ANK2: variants seen among roughly 807,000 people sequenced by gnomAD.
ANK2 encodes ankyrin-2.
ANK2 carries 83 observed loss-of-function variants against 360.5 expected under a neutral mutation model. That is an observed-to-expected ratio of 0.23 (90% confidence interval 0.19 to 0.28). The LOEUF (loss-of-function observed/expected upper bound fraction) is 0.28. Among genes scored for constraint, ANK2 ranks in the 10% least tolerant of loss-of-function variants. The pLI, the probability that ANK2 is intolerant of heterozygous loss-of-function variation, is 1.00. For missense variants in ANK2, 4,201 were observed against 4,795.7 expected, an observed-to-expected ratio of 0.88 and a Z score of 3.66; for synonymous variants, 1,740 against 1,759.5, an observed-to-expected ratio of 0.99 and a Z score of 0.28.
chr4:112,754,970 T>C, the ANK2 span, among the ~76,000 whole-genome samples: 1 of 152,248 alleles, frequency 6.6e-6, no homozygotes, highest in Admixed American at 6.5e-5. Context: ...CCTAATAATC[T>C]ACCAGTTGGG....
chr4:113,018,904 G>C (rs1217691003), intron 2 of ANK2, among the ~76,000 whole-genome samples: 1 of 152,032 alleles, frequency 6.6e-6, no homozygotes, highest in Non-Finnish European at 1.5e-5. Context: ...ATCCTCTGTG[G>C]TCATCTAATA....
intron 1 of ANK2, among the ~76,000 whole-genome samples, chr4:113,122,484 C>G (rs1432815652): frequency 2.0e-5 from 3 of 152,106 alleles, no homozygotes; most frequent in Non-Finnish European, 2.9e-5. Context: ...TCTGAGTCAA[C>G]AGTTTTTAAA....
intron 2 of ANK2, among the ~76,000 whole-genome samples, chr4:112,970,835 T>C (rs931229489): frequency 3.4e-4 from 52 of 151,744 alleles, no homozygotes; most frequent in African/African-American, 1.0e-3. Context: ...ATCAGGAAAA[T>C]AGTAGATTTT....
chr4:113,349,271 A>G (rs769391594), intron 36 of ANK2, among the ~76,000 whole-genome samples: 3 of 145,734 alleles, frequency 2.1e-5, no homozygotes, highest in Non-Finnish European at 3.0e-5. Context: ...GAAATGAAAA[A>G]CATAATTGGA....
chr4:113,378,198 G>T lies in ANK2; in HGVS notation c.11860-3259G>T, dbSNP rs1032522497. On this transcript the variant is annotated intron_variant, in intron 45 of 45. Transcript: ENST00000357077. ...AATTAAAAGGTTTGGGTTAGCATGG[G>T]GTGATGCTTTGCCAACTAACACCAT... 1.7e-5 allele frequency: 20 copies of T among 1,177,266 alleles called. No individual in the cohort carries two copies. In the African/African-American group the frequency reaches 2.9e-4, roughly 17 times the overall value. 72.9% of individuals were successfully genotyped at this position (1,177,266 alleles called of 1,614,324 possible).
chr4:113,373,242 A>G, intron 44 of ANK2, 43 bp from the exon 45 acceptor site: 1 of 1,612,758 alleles, frequency 6.2e-7, no homozygotes, highest in Non-Finnish European at 8.5e-7. Flanking sequence ...ATTCCATGGT[A>G]CTGTCACACA....
chr4:112,745,216 C>G, the ANK2 span, among the ~76,000 whole-genome samples: 1 of 152,188 alleles, frequency 6.6e-6, no homozygotes, highest in East Asian at 1.9e-4. Context: ...ACAACACAAA[C>G]ACATCACATA....
chr4:112,810,182 T>TTTTTTG, the ANK2 span, among the ~76,000 whole-genome samples: 11 of 111,788 alleles, frequency 9.8e-5, no homozygotes, highest in African/African-American at 3.3e-4. Context: ...TTTTTTTTTT[T>TTTTTTG]GTAGCAATGG....
intron 2 of ANK2, among the ~76,000 whole-genome samples, chr4:112,932,541 C>G (rs1479523278): frequency 1.3e-5 from 2 of 149,080 alleles, no homozygotes; most frequent in Non-Finnish European, 3.0e-5. Context: ...GTTATATGAT[C>G]CTAACAAAGT....
intron 2 of ANK2, among the ~76,000 whole-genome samples, chr4:112,933,904 A>T (rs561059975): frequency 1.4e-5 from 2 of 147,768 alleles, no homozygotes; most frequent in African/African-American, 2.5e-5. Flanking sequence ...ACCTTGTGGA[A>T]TTTTTTTTTT....
chr4:113,160,877 G>C (rs534502764), intron 1 of ANK2, among the ~76,000 whole-genome samples: 10 of 152,130 alleles, frequency 6.6e-5, no homozygotes, highest in Admixed American at 1.3e-4. Context: ...AAATGGACTT[G>C]GTCAAACTTG....
At chr4:112,753,649 C>T in the ANK2 span, among the ~76,000 whole-genome samples, 1 of 152,128 alleles carries the variant, frequency 6.6e-6, no homozygotes, top group Non-Finnish European at 1.5e-5. Context: ...CCCACCAAAA[C>T]CAAGATGGCC....
intron 2 of ANK2, among the ~76,000 whole-genome samples, chr4:112,905,447 T>G (rs949195648): frequency 3.9e-5 from 6 of 152,234 alleles, no homozygotes; most frequent in African/African-American, 9.6e-5. Context: ...CTTAGAAATT[T>G]CCTCAAGGCC....
At chr4:113,060,995 C>T (rs1448062769) in intron 1 of ANK2, among the ~76,000 whole-genome samples, 1 of 152,002 alleles carries the variant, frequency 6.6e-6, no homozygotes, top group Non-Finnish European at 1.5e-5. Context: ...ATCATGTGCT[C>T]CATAATCTCA....
chr4:113,304,408 T>C (rs2076308851), intron 23 of ANK2, among the ~76,000 whole-genome samples: 1 of 152,228 alleles, frequency 6.6e-6, no homozygotes, highest in South Asian at 2.1e-4. Flanking sequence ...ATGTGTAATA[T>C]GAGTGGAATT....
intron 2 of ANK2, among the ~76,000 whole-genome samples, chr4:112,960,811 T>TC (rs962301343): frequency 2.6e-5 from 4 of 152,108 alleles, no homozygotes; most frequent in African/African-American, 9.7e-5. Flanking sequence ...CATCTGCCTT[T>TC]CCCCTTTTTA....
At chr4:112,864,527 C>T (rs947066237) in intron 1 of ANK2, among the ~76,000 whole-genome samples, 1 of 151,934 alleles carries the variant, frequency 6.6e-6, no homozygotes, top group Non-Finnish European at 1.5e-5. Flanking sequence ...CCAGGCTGGT[C>T]TCGAACTACC....
chr4:112,803,162 G>GA, the ANK2 span, among the ~76,000 whole-genome samples: 3 of 152,104 alleles, frequency 2.0e-5, no homozygotes, highest in East Asian at 5.8e-4. Context: ...CATAGTAGTA[G>GA]TTATATAGTA....
chr4:113,275,796 T>C (rs964947537), intron 15 of ANK2, among the ~76,000 whole-genome samples: 1 of 151,316 alleles, frequency 6.6e-6, no homozygotes, highest in African/African-American at 2.4e-5. Flanking sequence ...AGGGTGTAAA[T>C]CATCAAAATT....
Sources: allele counts gnomAD v4.1 joint callset (sites outside exome capture counted in the v4.1 genomes callset), GRCh38; gene constraint gnomAD v4.1.1; transcripts MANE v1.5; gene names NCBI Gene and HGNC (gene_info 2026-07-23, HGNC 2026-07-21).